The following CMSS1 variants were observed in gnomAD, a reference collection of about 807,000 sequenced individuals.
CMSS1 encodes cms1 ribosomal small subunit homolog.
CMSS1 carries 33 observed loss-of-function variants against 43.5 expected under a neutral mutation model. The ratio of observed to expected loss-of-function variants is 0.76; its 90% CI spans 0.57 to 1.01. The LOEUF is 1.01. CMSS1 is among the 50% of genes least tolerant of loss of function. The pLI is 0.00. For missense variants in CMSS1, 313 were observed against 326.4 expected (o/e 0.96, Z 0.32); for synonymous variants, 115 against 117.2 (o/e 0.98, Z 0.12).
intron 1 of CMSS1, among the ~76,000 whole-genome samples, chr3:100,070,797 A>G (rs1193258755): frequency 6.6e-6 from 1 of 152,046 alleles, no homozygotes; most frequent in African/African-American, 2.4e-5. Flanking sequence ...ATGCCTGGCT[A>G]ATTTTGTATT....
At chr3:100,064,286 T>C (rs1380088717) in intron 1 of CMSS1, among the ~76,000 whole-genome samples, 1 of 152,192 alleles carries the variant, frequency 6.6e-6, no homozygotes, top group Admixed American at 6.5e-5. Context: ...TTTAACTTAC[T>C]AATAGACAAA....
chr3:100,124,382 A>T (rs910208498), intron 1 of CMSS1, among the ~76,000 whole-genome samples: 1 of 152,226 alleles, frequency 6.6e-6, no homozygotes, highest in African/African-American at 2.4e-5. Context: ...CTGACCATTC[A>T]ACTGCACACT....
At chr3:99,959,277 G>A (rs934037276) in intron 1 of CMSS1, among the ~76,000 whole-genome samples, 1 of 152,136 alleles carries the variant, frequency 6.6e-6, no homozygotes, top group Non-Finnish European at 1.5e-5. Flanking sequence ...AGCCTCCTGA[G>A]TAGTTGGGAT....
At chr3:99,971,942 A>T (rs754059785) in intron 1 of CMSS1, among the ~76,000 whole-genome samples, 1 of 152,196 alleles carries the variant, frequency 6.6e-6, no homozygotes, top group Non-Finnish European at 1.5e-5. Flanking sequence ...ACCTAGATAT[A>T]TGTAGTCTTG....
intron 8 of CMSS1, among the ~76,000 whole-genome samples, chr3:100,172,652 G>C (rs1473910570): frequency 1.3e-5 from 2 of 152,210 alleles, no homozygotes; most frequent in Non-Finnish European, 2.9e-5. Flanking sequence ...CTATAAGCAG[G>C]TTAGTGGTTC....
intron 1 of CMSS1, among the ~76,000 whole-genome samples, chr3:100,037,624 A>G (rs2065130281): frequency 6.6e-6 from 1 of 152,210 alleles, no homozygotes; most frequent in African/African-American, 2.4e-5. Flanking sequence ...CATAAAATGT[A>G]TAAATAACAT....
rs540688474 is a variant in CMSS1 at position 100,178,908 on chromosome 3, G to A, written c.*520G>A. 1.3e-5 allele frequency: 2 copies of A among 153,934 alleles called. No individual in the cohort carries two copies. Among genetic ancestry groups the A allele is most frequent in the African/African-American group, 4.8e-5 (2 of 41,468 alleles). The allele number at this position is 153,934 out of a possible 1,614,324, so 9.5% of individuals were successfully genotyped here. A position where few individuals can be genotyped will look rare whatever the true frequency, so the allele number is the denominator to read the frequency against. ...ACTGGGTAGATTATAAAGAAAAGAG[G>A]TTTAATTGACTCACAGTTTCACAGG... On this transcript the variant is annotated 3_prime_UTR_variant, in exon 10 of 10. Transcript: ENST00000421999.
intron 1 of CMSS1, among the ~76,000 whole-genome samples, chr3:100,062,598 G>C (rs1031147584): frequency 6.6e-6 from 1 of 152,118 alleles, no homozygotes; most frequent in Non-Finnish European, 1.5e-5. Flanking sequence ...CATATGCATG[G>C]GCAATTAGAG....
intron 1 of CMSS1, among the ~76,000 whole-genome samples, chr3:99,983,389 A>AATAAATATATAT (rs1302972402): frequency 5.4e-4 from 22 of 40,780 alleles, no homozygotes; most frequent in African/African-American, 1.8e-3. Flanking sequence ...TAAATAAATA[A>AATAAATATATAT]ATATATATAT....
chr3:100,064,564 G>A (rs987427263), intron 1 of CMSS1, among the ~76,000 whole-genome samples: 8 of 152,154 alleles, frequency 5.3e-5, no homozygotes, highest in Non-Finnish European at 1.0e-4. Flanking sequence ...TATATGTAGA[G>A]AACTTTAAGA....
At chr3:99,942,697 T>C (rs1028297702) in intron 1 of CMSS1, among the ~76,000 whole-genome samples, 8 of 151,808 alleles carry the variant, frequency 5.3e-5, no homozygotes, top group Non-Finnish European at 5.9e-5. Context: ...GGCATGGTGG[T>C]GGATGCCTGT....
chr3:100,108,123 T>C (rs1044493348), intron 1 of CMSS1, among the ~76,000 whole-genome samples: 4 of 152,296 alleles, frequency 2.6e-5, no homozygotes, highest in East Asian at 1.9e-4. Context: ...ATGATTCAAA[T>C]GCTAGTTCCT....
intron 1 of CMSS1, among the ~76,000 whole-genome samples, chr3:99,867,007 C>G (rs558715952): frequency 6.6e-6 from 1 of 152,302 alleles, no homozygotes; most frequent in African/African-American, 2.4e-5. Flanking sequence ...TCAGCAACTT[C>G]TGAATACTGA....
intron 1 of CMSS1, among the ~76,000 whole-genome samples, chr3:100,029,795 C>T (rs987010517): frequency 6.6e-6 from 1 of 152,156 alleles, no homozygotes; most frequent in Non-Finnish European, 1.5e-5. Flanking sequence ...GAGCCTGTCA[C>T]TACGCTATAT....
intron 1 of CMSS1, among the ~76,000 whole-genome samples, chr3:100,000,608 G>A (rs1413441403): frequency 6.6e-6 from 1 of 152,194 alleles, no homozygotes; most frequent in Non-Finnish European, 1.5e-5. Context: ...CCAGCACTTT[G>A]GGAGGCCAAG....
intron 1 of CMSS1, among the ~76,000 whole-genome samples, chr3:99,832,670 C>T (rs1277272854): frequency 1.1e-4 from 16 of 148,570 alleles, no homozygotes; most frequent in Admixed American, 8.0e-4. Context: ...CGGTGAAACC[C>T]TGTCTCTACT....
At chr3:100,110,423 T>G (rs1287584686) in intron 1 of CMSS1, among the ~76,000 whole-genome samples, 1 of 152,112 alleles carries the variant, frequency 6.6e-6, no homozygotes, top group Non-Finnish European at 1.5e-5. Context: ...TATCCTCCCC[T>G]GCATTCCAAT....
chr3:99,870,522 A>G (rs1369587791), intron 1 of CMSS1, among the ~76,000 whole-genome samples: 1 of 152,146 alleles, frequency 6.6e-6, no homozygotes, highest in Non-Finnish European at 1.5e-5. Flanking sequence ...GCTGCTAGTG[A>G]TCTTAGTCCT....
At chr3:99,859,716 G>T (rs1238326546) in intron 1 of CMSS1, among the ~76,000 whole-genome samples, 1 of 152,116 alleles carries the variant, frequency 6.6e-6, no homozygotes, top group Non-Finnish European at 1.5e-5. Flanking sequence ...TGGATTTCTA[G>T]CAGTTTGCAG....
Sources: gnomAD v4.1 joint callset for allele counts (sites outside exome capture counted in the v4.1 genomes callset) on GRCh38, gnomAD v4.1.1 for gene constraint, MANE v1.5 for transcripts, NCBI Gene and HGNC (gene_info 2026-07-23, HGNC 2026-07-21) for gene names.